The following ACSF3 variants were observed in gnomAD, a reference collection of about 807,000 sequenced individuals.
ACSF3 encodes malonate--CoA ligase ACSF3, mitochondrial.
ACSF3 carries 78 observed loss-of-function variants against 53.2 expected under a neutral mutation model. That is an observed-to-expected ratio of 1.47 (90% confidence interval 1.22 to 1.77). ACSF3 has a LOEUF of 1.77. Among genes scored for constraint, ACSF3 ranks in the 40% most tolerant of loss-of-function variants. ACSF3 has a pLI of 0.00. For missense variants in ACSF3, 937 were observed against 771.1 expected (o/e 1.22, Z -2.55); for synonymous variants, 414 against 333.1 (o/e 1.24, Z -2.65).
intron 8 of ACSF3, among the ~76,000 whole-genome samples, chr16:89,139,023 TC>T (rs1421381683): frequency 6.6e-6 from 1 of 152,134 alleles, no homozygotes; most frequent in African/African-American, 2.4e-5. Context: ...CACCGCCACC[TC>T]CAGGCTCCTT....
At chr16:89,096,919 G>GC (rs1974686364) in intron 1 of ACSF3, among the ~76,000 whole-genome samples, 1 of 152,234 alleles carries the variant, frequency 6.6e-6, no homozygotes, top group Non-Finnish European at 1.5e-5. Context: ...TGGCAGGAGT[G>GC]CCCACCCACA....
chr16:89,094,488 C>G (rs1016105829), intron 1 of ACSF3, among the ~76,000 whole-genome samples: 1 of 152,122 alleles, frequency 6.6e-6, no homozygotes, highest in African/African-American at 2.4e-5. Context: ...TGCGGCCGGC[C>G]GTGAAGTATT....
chr16:89,153,947 G>A (rs1914422193), intron 10 of ACSF3, 143 bp from the exon 11 acceptor site: 2 of 791,488 alleles, frequency 2.5e-6, no homozygotes, highest in East Asian at 2.7e-5. Flanking sequence ...GTGGCCCGGT[G>A]CACCTGCCTG....
chr16:89,138,385 G>A (rs73256041), intron 8 of ACSF3, among the ~76,000 whole-genome samples: 1 of 152,216 alleles, frequency 6.6e-6, no homozygotes, highest in Non-Finnish European at 1.5e-5. Flanking sequence ...AGGACACTGG[G>A]CATCTCTGTG....
At chr16:89,111,614 G>A (rs566229500) in intron 4 of ACSF3, among the ~76,000 whole-genome samples, 9 of 152,370 alleles carry the variant, frequency 5.9e-5, no homozygotes, top group Admixed American at 2.0e-4. Flanking sequence ...AACTTAAAAC[G>A]TATTTATATG....
At chr16:89,126,238 T>C (rs1908068670) in intron 7 of ACSF3, among the ~76,000 whole-genome samples, 1 of 152,206 alleles carries the variant, frequency 6.6e-6, no homozygotes, top group South Asian at 2.1e-4. Context: ...CTTTTTAAAC[T>C]ATTGTAAGTA....
intron 7 of ACSF3, among the ~76,000 whole-genome samples, chr16:89,121,220 C>A (rs569110817): frequency 1.3e-5 from 2 of 152,368 alleles, no homozygotes; most frequent in South Asian, 4.1e-4. Flanking sequence ...GACAGGCTGA[C>A]GTGGGCCATG....
At chr16:89,126,391 C>G (rs1199431409) in intron 7 of ACSF3, among the ~76,000 whole-genome samples, 1 of 152,134 alleles carries the variant, frequency 6.6e-6, no homozygotes, top group Non-Finnish European at 1.5e-5. Context: ...GCCTCAGCCT[C>G]CCCAGTAGCT....
intron 10 of ACSF3, chr16:89,151,042 C>T: frequency 7.8e-7 from 1 of 1,289,088 alleles, no homozygotes; most frequent in Middle Eastern, 2.1e-4. Flanking sequence ...AAAGAACACC[C>T]AACCAAGAGG....
intron 3 of ACSF3, 110 bp from the exon 4 acceptor site, chr16:89,102,494 C>G: frequency 7.6e-7 from 1 of 1,315,510 alleles, no homozygotes; most frequent in Non-Finnish European, 1.1e-6. Flanking sequence ...TCTCCTTCCC[C>G]TTCCTCAGTG....
chr16:89,108,437 C>T (rs1372214047), intron 4 of ACSF3, among the ~76,000 whole-genome samples: 2 of 152,146 alleles, frequency 1.3e-5, no homozygotes, highest in Admixed American at 6.5e-5. Context: ...GTTTTTATTG[C>T]ACCTTCCCTT....
Position 89,145,326 on chromosome 16 carries a change from A to G in ACSF3, c.1426A>G (p.Ile476Val), listed in dbSNP as rs373315212. ...GATCCGAGGCCGGACCTCAGTGGAC[A>G]TCATCAAGACTGGAGGCTACAAGGT... is the stretch of plus-strand genomic sequence containing the variant. Reference protein sequence around the residue: ...YWIRGRTSVDIIKTGGYKVSA... With the variant: ...YWIRGRTSVDVIKTGGYKVSA... The change falls in exon 9 of 11, where the codon ATC becomes GTC. Residue 476 changes from isoleucine (I) to valine (V), a missense_variant. Coordinates refer to ENST00000614302, the MANE Select transcript of ACSF3 (RefSeq NM_001243279.3). The G allele has an allele frequency of 2.5e-5, 41 of 1,614,064 alleles. No homozygotes were observed. Among genetic ancestry groups the G allele is most frequent in the African/African-American group, 5.3e-5 (4 of 74,912 alleles).
chr16:89,121,008 C>G, intron 7 of ACSF3, 95 bp downstream of exon 7: 3 of 1,126,698 alleles, frequency 2.7e-6, no homozygotes, highest in Non-Finnish European at 3.9e-6. Flanking sequence ...TGGAGGCAGA[C>G]TCCCCTCCAC....
intron 5 of ACSF3, 78 bp downstream of exon 5, chr16:89,112,324 CCTA>C: frequency 6.4e-7 from 1 of 1,567,486 alleles, no homozygotes; most frequent in Middle Eastern, 1.7e-4. Context: ...ATAAATCACT[CCTA>C]CTAAGTTCTG....
chr16:89,145,429 G>A, intron 9 of ACSF3, 28 bp downstream of exon 9: 1 of 1,613,332 alleles, frequency 6.2e-7, no homozygotes, highest in Middle Eastern at 1.7e-4. Flanking sequence ...GGCCAGGGAG[G>A]CCAGGCTAGA....
chr16:89,112,042 G>T, intron 4 of ACSF3, 50 bp from the exon 5 acceptor site: 1 of 266,972 alleles, frequency 3.7e-6, no homozygotes, highest in Non-Finnish European at 6.1e-6. Context: ...CTCCGCCACG[G>T]GCCCCAGTGC....
intron 7 of ACSF3, among the ~76,000 whole-genome samples, chr16:89,131,136 T>C (rs1229087164): frequency 4.5e-5 from 6 of 132,682 alleles, no homozygotes; most frequent in African/African-American, 1.1e-4. Context: ...TCTTTTTTTT[T>C]TTTTTTTTTT....
At chr16:89,096,895 C>T (rs1023934200) in intron 1 of ACSF3, among the ~76,000 whole-genome samples, 92 of 152,248 alleles carry the variant, frequency 6.0e-4, no homozygotes, top group African/African-American at 2.1e-3. Context: ...CATCTGTCAC[C>T]TCCCAGGGGC....
chr16:89,137,077 G>A (rs1016369411), intron 8 of ACSF3, among the ~76,000 whole-genome samples: 3 of 152,136 alleles, frequency 2.0e-5, no homozygotes, highest in African/African-American at 2.4e-5. Context: ...GGCAGATGCG[G>A]GAGCAGCAGC....
Sources: allele counts gnomAD v4.1 joint callset (sites outside exome capture counted in the v4.1 genomes callset), GRCh38; gene constraint gnomAD v4.1.1; transcripts MANE v1.5; gene names NCBI Gene and HGNC (gene_info 2026-07-23, HGNC 2026-07-21).